The following DGKG variants were observed in gnomAD, a reference collection of about 807,000 sequenced individuals.
The protein encoded by DGKG is DAG kinase gamma.
Under a neutral mutation model 105.3 loss-of-function variants are expected in DGKG, and 78 were observed. The observed-to-expected ratio is 0.74, with a 90% CI of 0.62 to 0.89. The LOEUF is 0.89. Among genes scored for constraint, DGKG ranks in the 40% least tolerant of loss-of-function variants. The pLI is 0.00. For synonymous variants in DGKG, 346 were observed against 367.1 expected, an observed-to-expected ratio of 0.94 and a Z score of 0.66; for missense variants, 958 against 1,020.1, an observed-to-expected ratio of 0.94 and a Z score of 0.83.
In DGKG at chr3:186,148,893, C is replaced by G. The variant is rs1715621132; in HGVS notation, c.*1197G>C. 1.0e-6 allele frequency: 1 copy of G among 982,614 alleles called. No homozygotes were observed. The highest frequency in any genetic ancestry group is 1.8e-5 in the African/African-American group (1 of 56,488). The allele number at this position is 982,614 out of a possible 1,614,324, so 60.9% of individuals were successfully genotyped here. A position where few individuals can be genotyped will look rare whatever the true frequency, so the allele number is the denominator to read the frequency against. The stretch of plus-strand genomic sequence containing the variant: ...GTGAGAACCTTCTTTTTCCTTACCA[C>G]TTTCTGTCTCATACTACCTATGTTT... On this transcript the variant is annotated 3_prime_UTR_variant, in exon 25 of 25. Transcript: ENST00000265022.
intron 2 of DGKG, among the ~76,000 whole-genome samples, chr3:186,312,482 T>C (rs1228191187): frequency 1.3e-5 from 2 of 152,104 alleles, no homozygotes; most frequent in East Asian, 1.9e-4. Flanking sequence ...AATGTCCCTG[T>C]GGATCTGGGG....
chr3:186,261,661 G>T, intron 15 of DGKG, 38 bp downstream of exon 15: 2 of 1,442,988 alleles, frequency 1.4e-6, no homozygotes, highest in Non-Finnish European at 1.9e-6. Context: ...GAGTCGTGTC[G>T]CCCTAGTTGC....
Position 186,148,637 on chromosome 3 carries a change from C to T in DGKG, c.*1453G>A. ...TGTAACGGCACCTACTCTCAAGCTG[C>T]ATTAGCCAAGACACCATGGAAAAGT... is the stretch of plus-strand genomic sequence containing the variant. On this transcript the variant is annotated 3_prime_UTR_variant, in exon 25 of 25. Transcript: ENST00000265022. The T allele has an allele frequency of 1.0e-6, 1 of 985,346 alleles. No homozygotes were observed. The highest frequency in any genetic ancestry group is 1.7e-5 in the African/African-American group (1 of 57,302). 61.0% of individuals were successfully genotyped at this position (985,346 alleles called of 1,614,324 possible).
In DGKG at chr3:186,272,249, A is replaced by G. The variant is rs545242329; in HGVS notation, c.999+6T>C. The G allele has an allele frequency of 4.3e-5, 69 of 1,610,586 alleles. No individual in the cohort carries two copies. In the East Asian group the frequency reaches 1.5e-3, roughly 35 times the overall value. On this transcript the variant is annotated splice_donor_region_variant and intron_variant, in intron 11 of 24. Transcript: ENST00000265022. ...GCAGTAGAACAAGGCAGTAGATGTC[A>G]CCAACCTCACCACTCCTTTTGGCTT...
chr3:186,339,629 A>G (rs1330504586), intron 1 of DGKG, among the ~76,000 whole-genome samples: 2 of 152,180 alleles, frequency 1.3e-5, no homozygotes, highest in Non-Finnish European at 2.9e-5. Context: ...TTCCAAAATA[A>G]TGAGCCCAGC....
At chr3:186,297,957 T>G (rs1235651889) in intron 4 of DGKG, 107 bp downstream of exon 4, 1 of 1,341,562 alleles carries the variant, frequency 7.5e-7, no homozygotes. Flanking sequence ...TTCGCACCGT[T>G]GGGGCAGTTA....
In DGKG at chr3:186,275,604, A is replaced by G; in HGVS notation, c.853T>C (p.Cys285Arg). 1 of 1,614,216 alleles carries G rather than the reference A, an allele frequency of 6.2e-7. No homozygotes were observed. Among genetic ancestry groups the G allele is most frequent in the Non-Finnish European group, 8.5e-7 (1 of 1,180,030 alleles). Residue 285 changes from cysteine (C) to arginine (R), a missense_variant, in exon 10 of 25, where the codon TGC (cysteine) becomes CGC (arginine). Cys to Arg is a radical substitution (Grantham distance 180, BLOSUM62 -3). This residue lies in a region of DGKG where 643 missense variants were observed against 619.5 expected (regional missense o/e 1.04). Coordinates refer to ENST00000265022, the MANE Select transcript of DGKG (RefSeq NM_001346.3). The stretch of plus-strand genomic sequence containing the variant: ...ATGAGCATGATATGGCAGAAGTTGC[A>G]GTAGGTTGGTTTCTTGAAGTGCTTC... ...TMKHFKKPTY[C>R]NFCHIMLMGV...
chr3:186,275,225 C>T (rs1474977514), intron 10 of DGKG, among the ~76,000 whole-genome samples: 1 of 151,960 alleles, frequency 6.6e-6, no homozygotes, highest in Admixed American at 6.6e-5. Flanking sequence ...CTGAACATAC[C>T]CAGAATAAAT....
At chr3:186,317,077 C>T (rs149419112) in intron 2 of DGKG, among the ~76,000 whole-genome samples, 2 of 152,362 alleles carry the variant, frequency 1.3e-5, no homozygotes, top group East Asian at 3.9e-4. Context: ...AAAGAAAAGG[C>T]CCAACCCCAA....
rs904810055 is a variant in DGKG at position 186,260,509 on chromosome 3, G to T, written c.1354C>A (p.Leu452Ile). Residue 452 changes from leucine (L) to isoleucine (I), a missense_variant, in exon 16 of 25, where the codon CTT becomes ATT. Coordinates refer to ENST00000265022, the MANE Select transcript of DGKG (RefSeq NM_001346.3). ...TTGAGCAGATAGTGGAATTTCCGAAGAATTCTATGGAAAAAAAAAGAAAAG... is the reference window on the plus strand; with the variant it reads ...TTGAGCAGATAGTGGAATTTCCGAATAATTCTATGGAAAAAAAAAGAAAAG... ...KSGGRQGERI[L>I]RKFHYLLNPK... is the part of the protein sequence containing the mutation. 1 of 1,608,646 alleles carries T rather than the reference G, an allele frequency of 6.2e-7. No individual in the cohort carries two copies. Among genetic ancestry groups the T allele is most frequent in the East Asian group, 2.2e-5 (1 of 44,842 alleles).
At chr3:186,158,569 T>G (rs959393149) in intron 24 of DGKG, 1 of 943,872 alleles carries the variant, frequency 1.1e-6, no homozygotes, top group Non-Finnish European at 1.3e-6. Flanking sequence ...GCTTTTTGCC[T>G]TGTAAACTAG....
intron 20 of DGKG, among the ~76,000 whole-genome samples, chr3:186,217,483 C>G (rs898562184): frequency 6.6e-6 from 1 of 152,218 alleles, no homozygotes; most frequent in Non-Finnish European, 1.5e-5. Flanking sequence ...ACAGTGACAC[C>G]ATGGCTCAAC....
chr3:186,230,297 C>T (rs778956139), intron 20 of DGKG, among the ~76,000 whole-genome samples: 4 of 152,116 alleles, frequency 2.6e-5, no homozygotes, highest in Non-Finnish European at 5.9e-5. Flanking sequence ...ACAACAACAA[C>T]AACAAAACAT....
At chr3:186,312,311 C>A (rs1189462286) in intron 2 of DGKG, among the ~76,000 whole-genome samples, 1 of 152,048 alleles carries the variant, frequency 6.6e-6, no homozygotes, top group Non-Finnish European at 1.5e-5. Flanking sequence ...TCTCTATGAG[C>A]TTCTCAAACT....
At chr3:186,339,440 C>A (rs114070651) in intron 1 of DGKG, among the ~76,000 whole-genome samples, 1 of 152,110 alleles carries the variant, frequency 6.6e-6, no homozygotes, top group Non-Finnish European at 1.5e-5. Context: ...ATGCCTCCAC[C>A]GGAGAGAGGA....
chr3:186,335,913 G>A (rs1725811833), intron 1 of DGKG, among the ~76,000 whole-genome samples: 1 of 152,170 alleles, frequency 6.6e-6, no homozygotes, highest in South Asian at 2.1e-4. Context: ...ATAGCTTTTA[G>A]TATGTACATC....
intron 20 of DGKG, among the ~76,000 whole-genome samples, chr3:186,234,230 C>T (rs1720303470): frequency 6.6e-6 from 1 of 152,222 alleles, no homozygotes; most frequent in Admixed American, 6.5e-5. Context: ...CTCTCTAAGG[C>T]TTCTCTTCTT....
chr3:186,347,740 G>T (rs192032613), intron 1 of DGKG, among the ~76,000 whole-genome samples: 1 of 151,852 alleles, frequency 6.6e-6, no homozygotes, highest in East Asian at 2.0e-4. Flanking sequence ...CCACCACCAC[G>T]CTAGGCTAAT....
At chr3:186,277,106 T>C (rs996091119) in intron 9 of DGKG, among the ~76,000 whole-genome samples, 2 of 152,200 alleles carry the variant, frequency 1.3e-5, no homozygotes, top group Admixed American at 6.5e-5. Context: ...CTTTAGTAAA[T>C]GCATTCACAA....
Sources: allele counts gnomAD v4.1 joint callset (sites outside exome capture counted in the v4.1 genomes callset), GRCh38; gene constraint gnomAD v4.1.1; regional missense constraint gnomAD v4.1.1; transcripts MANE v1.5; gene names NCBI Gene and HGNC (gene_info 2026-07-23, HGNC 2026-07-21).